MAGI2: variants seen among roughly 807,000 people sequenced by gnomAD.
The protein encoded by MAGI2 is membrane associated guanylate kinase, WW and PDZ domain containing 2.
MAGI2 carries 35 observed loss-of-function variants against 133.3 expected under a neutral mutation model. The observed-to-expected ratio is 0.26, with a 90% CI of 0.20 to 0.35. MAGI2 has a LOEUF of 0.35. Ranked by LOEUF, MAGI2 falls within the 10% of genes least tolerant of loss-of-function variation. The pLI, the probability that MAGI2 is intolerant of heterozygous loss-of-function variation, is 1.00. For missense variants in MAGI2, 1,636 were observed against 1,863.4 expected, an observed-to-expected ratio of 0.88 and a Z score of 2.25; for synonymous variants, 729 against 710.6, an observed-to-expected ratio of 1.03 and a Z score of -0.41.
At chr7:78,629,065 A>C (rs576369883) in intron 2 of MAGI2, among the ~76,000 whole-genome samples, 23 of 152,204 alleles carry the variant, frequency 1.5e-4, no homozygotes, top group Admixed American at 1.5e-3. Flanking sequence ...CACAAGATTG[A>C]GGGCAATTTC....
intron 21 of MAGI2, among the ~76,000 whole-genome samples, chr7:78,063,036 T>C (rs984523957): frequency 6.6e-6 from 1 of 152,230 alleles, no homozygotes; most frequent in Non-Finnish European, 1.5e-5. Flanking sequence ...CACCACTTTC[T>C]TAATTCCAGC....
intron 1 of MAGI2, among the ~76,000 whole-genome samples, chr7:79,361,317 C>G (rs1229282818): frequency 6.6e-6 from 1 of 151,922 alleles, no homozygotes; most frequent in Non-Finnish European, 1.5e-5. Flanking sequence ...AGTGTGGTCC[C>G]TTTAAATGAT....
intron 2 of MAGI2, among the ~76,000 whole-genome samples, chr7:78,638,213 T>A (rs1228303347): frequency 6.6e-6 from 1 of 152,186 alleles, no homozygotes. Context: ...ATTTTCAATT[T>A]TAAGGCTTCT....
At chr7:79,147,153 G>A (rs1053604252) in intron 1 of MAGI2, among the ~76,000 whole-genome samples, 6 of 152,272 alleles carry the variant, frequency 3.9e-5, no homozygotes, top group South Asian at 2.1e-4. Context: ...GGATTTTGAC[G>A]AGGATTCAGT....
intron 1 of MAGI2, among the ~76,000 whole-genome samples, chr7:79,042,048 G>GA (rs1326437073): frequency 1.3e-5 from 2 of 151,960 alleles, no homozygotes; most frequent in East Asian, 3.9e-4. Flanking sequence ...TTAAGAAAAT[G>GA]AAAAAAATAA....
chr7:78,334,025 T>C (rs1418230284), intron 9 of MAGI2, among the ~76,000 whole-genome samples: 1 of 152,218 alleles, frequency 6.6e-6, no homozygotes, highest in Non-Finnish European at 1.5e-5. Context: ...AAGCCTGCTC[T>C]GGATATAGGT....
chr7:79,030,856 A>G (rs544722356), intron 1 of MAGI2, among the ~76,000 whole-genome samples: 1 of 152,318 alleles, frequency 6.6e-6, no homozygotes, highest in South Asian at 2.1e-4. Flanking sequence ...ACAGCACTGA[A>G]GGACAATTTG....
At chr7:79,356,354 T>A (rs186009771) in intron 1 of MAGI2, among the ~76,000 whole-genome samples, 1 of 152,218 alleles carries the variant, frequency 6.6e-6, no homozygotes. Flanking sequence ...ACATCAGCAA[T>A]CAGTATTAAT....
At chr7:78,214,412 C>A (rs1362117058) in intron 10 of MAGI2, among the ~76,000 whole-genome samples, 1 of 152,130 alleles carries the variant, frequency 6.6e-6, no homozygotes, top group African/African-American at 2.4e-5. Context: ...TCAATTATTG[C>A]TAGAATCTGT....
intron 2 of MAGI2, among the ~76,000 whole-genome samples, chr7:78,754,710 G>C (rs1823784460): frequency 6.6e-6 from 1 of 152,096 alleles, no homozygotes; most frequent in South Asian, 2.1e-4. Context: ...GAAATTAATT[G>C]GAAAATTAGA....
rs1562961085 is a variant in MAGI2 at position 79,171,756 on chromosome 7, ATATATATATATATATTTT to A, written c.302-164568_302-164551del. ...ACAATAGCCAAAAATATATATATAT[ATATATATATATATATTTT>A]TTTTTTTTTTTTCTTTTAAAGGGTC... On this transcript the variant is annotated intron_variant, in intron 1 of 21. Coordinates refer to ENST00000354212, the MANE Select transcript of MAGI2 (RefSeq NM_012301.4). Among the ~76,000 whole-genome samples the A allele has an allele frequency of 1.8e-3, 55 of 30,892 alleles. 4 individuals are homozygous for A. The highest frequency in any genetic ancestry group is 4.2e-3 in the African/African-American group (53 of 12,752). 20.3% of individuals were successfully genotyped at this position (30,892 alleles called of 152,430 possible). A position where few individuals can be genotyped will look rare whatever the true frequency, so the allele number is the denominator to read the frequency against.
chr7:79,142,325 A>G (rs1031663851), intron 1 of MAGI2, among the ~76,000 whole-genome samples: 2 of 152,122 alleles, frequency 1.3e-5, no homozygotes, highest in African/African-American at 4.8e-5. Flanking sequence ...ATTCTCAAAA[A>G]CTTTCTTTAC....
chr7:79,408,547 A>C (rs1016162877), intron 1 of MAGI2, among the ~76,000 whole-genome samples: 1 of 152,080 alleles, frequency 6.6e-6, no homozygotes, highest in Non-Finnish European at 1.5e-5. Context: ...GGATTAAATA[A>C]ATGTCTAAAT....
chr7:78,521,980 A>G (rs1293531977), intron 3 of MAGI2, among the ~76,000 whole-genome samples: 1 of 152,192 alleles, frequency 6.6e-6, no homozygotes. Flanking sequence ...ACAAGACTTG[A>G]TTATAACCTT....
At chr7:79,358,141 T>C (rs1243697109) in intron 1 of MAGI2, among the ~76,000 whole-genome samples, 2 of 152,092 alleles carry the variant, frequency 1.3e-5, no homozygotes, top group African/African-American at 2.4e-5. Context: ...GAAAATATCC[T>C]CTGCTGTTGT....
intron 12 of MAGI2, among the ~76,000 whole-genome samples, chr7:78,191,558 C>T (rs73148245): frequency 0.042 from 6,402 of 152,174 alleles, 175 homozygotes; most frequent in South Asian, 0.068. Context: ...AGACACATAG[C>T]GAGTGTTTCA....
intron 20 of MAGI2, among the ~76,000 whole-genome samples, chr7:78,096,755 A>G (rs563165666): frequency 6.6e-6 from 1 of 152,200 alleles, no homozygotes; most frequent in African/African-American, 2.4e-5. Context: ...GCATGTTCCC[A>G]AAGTCCAAAA....
At chr7:78,070,146 T>A (rs1350896592) in intron 21 of MAGI2, among the ~76,000 whole-genome samples, 1 of 137,422 alleles carries the variant, frequency 7.3e-6, no homozygotes, top group African/African-American at 2.7e-5. Context: ...TGTGTATATA[T>A]ATACACACAT....
chr7:79,119,032 C>T (rs1303169610), intron 1 of MAGI2, among the ~76,000 whole-genome samples: 2 of 152,018 alleles, frequency 1.3e-5, no homozygotes, highest in East Asian at 3.8e-4. Flanking sequence ...CAAGTGGTCA[C>T]AGAGTTTCAG....
Sources: gnomAD v4.1 joint callset for allele counts (sites outside exome capture counted in the v4.1 genomes callset) on GRCh38, gnomAD v4.1.1 for gene constraint, MANE v1.5 for transcripts, NCBI Gene and HGNC (gene_info 2026-07-23, HGNC 2026-07-21) for gene names.